TTC28: variants seen among roughly 807,000 people sequenced by gnomAD.
The protein encoded by TTC28 is tetratricopeptide repeat domain 28, also known as tetratricopeptide repeat protein 28.
In TTC28, 61 loss-of-function variants were observed where a neutral mutation model predicts 198.0. The ratio of observed to expected loss-of-function variants is 0.31; its 90% CI spans 0.25 to 0.38. TTC28 has a LOEUF of 0.38. TTC28 is among the 10% of genes least tolerant of loss of function. The pLI is 1.00. For missense variants in TTC28, 2,678 were observed against 3,164.0 expected, an observed-to-expected ratio of 0.85 and a Z score of 3.69; for synonymous variants, 1,171 against 1,297.8, an observed-to-expected ratio of 0.90 and a Z score of 2.10.
At chr22:28,472,156 A>G (rs1413454767) in intron 2 of TTC28, among the ~76,000 whole-genome samples, 3 of 152,190 alleles carry the variant, frequency 2.0e-5, no homozygotes, top group Non-Finnish European at 4.4e-5. Context: ...CTATCATTCT[A>G]TTAATTTACA....
At chr22:28,021,805 G>C (rs945399847) in intron 13 of TTC28, among the ~76,000 whole-genome samples, 2 of 152,124 alleles carry the variant, frequency 1.3e-5, no homozygotes, top group African/African-American at 4.8e-5. Flanking sequence ...TCTAGATATA[G>C]GGCCAGGAAT....
chr22:28,487,108 A>T (rs117038618), intron 2 of TTC28, among the ~76,000 whole-genome samples: 1 of 151,500 alleles, frequency 6.6e-6, no homozygotes, highest in East Asian at 1.9e-4. Context: ...TCGATGGTGA[A>T]TTTTTTTTTC....
At chr22:28,194,751 C>T (rs572512703) in intron 5 of TTC28, among the ~76,000 whole-genome samples, 1 of 133,286 alleles carries the variant, frequency 7.5e-6, no homozygotes, top group Non-Finnish European at 1.6e-5. Flanking sequence ...AGTTGAATCC[C>T]TGAATAGACC....
intron 5 of TTC28, among the ~76,000 whole-genome samples, chr22:28,193,826 G>A (rs1028718886): frequency 1.3e-5 from 2 of 151,884 alleles, no homozygotes; most frequent in African/African-American, 2.4e-5. Context: ...AGACTCCCAC[G>A]CAAGAATAAT....
chr22:28,486,908 C>T (rs776337790), intron 2 of TTC28, among the ~76,000 whole-genome samples: 29 of 152,138 alleles, frequency 1.9e-4, no homozygotes, highest in Non-Finnish European at 3.4e-4. Context: ...ACTAATTCCT[C>T]TAATAAACTA....
intron 13 of TTC28, among the ~76,000 whole-genome samples, chr22:28,016,001 C>T (rs1169356704): frequency 6.6e-6 from 1 of 151,966 alleles, no homozygotes; most frequent in Non-Finnish European, 1.5e-5. Context: ...AGGTTTCTAC[C>T]CCTAGCTCTC....
At chr22:28,627,094 T>C (rs1258850785) in intron 2 of TTC28, among the ~76,000 whole-genome samples, 1 of 151,984 alleles carries the variant, frequency 6.6e-6, no homozygotes, top group East Asian at 1.9e-4. Context: ...GCTCACTGCA[T>C]CAATTACAGG....
At chr22:28,644,005 T>C (rs149989309) in intron 1 of TTC28, among the ~76,000 whole-genome samples, 38 of 152,304 alleles carry the variant, frequency 2.5e-4, no homozygotes, top group African/African-American at 8.2e-4. Flanking sequence ...AACAGGGTAG[T>C]ATGCAGTAGA....
At chr22:28,608,243 T>C (rs1013824817) in intron 2 of TTC28, among the ~76,000 whole-genome samples, 1 of 152,188 alleles carries the variant, frequency 6.6e-6, no homozygotes, top group Non-Finnish European at 1.5e-5. Flanking sequence ...AAAATGGGTA[T>C]GAAAACCAAA....
chr22:28,366,289 C>T (rs935422131), intron 2 of TTC28, among the ~76,000 whole-genome samples: 1 of 152,142 alleles, frequency 6.6e-6, no homozygotes, highest in Non-Finnish European at 1.5e-5. Flanking sequence ...CCAAATCTAA[C>T]ACAATATATT....
At chr22:28,162,999 AAC>A in intron 6 of TTC28, 91 bp downstream of exon 6, 3 of 1,384,098 alleles carry the variant, frequency 2.2e-6, no homozygotes, top group Non-Finnish European at 2.9e-6. Context: ...TTTAAATATA[AAC>A]ACACAGATTC....
At chr22:28,471,972 T>A (rs908531770) in intron 2 of TTC28, among the ~76,000 whole-genome samples, 3 of 152,146 alleles carry the variant, frequency 2.0e-5, no homozygotes, top group African/African-American at 7.2e-5. Context: ...GCTCAAAGCA[T>A]CTTTGAATCT....
intron 1 of TTC28, among the ~76,000 whole-genome samples, chr22:28,649,371 T>C (rs1451277032): frequency 6.6e-6 from 1 of 152,018 alleles, no homozygotes; most frequent in African/African-American, 2.4e-5. Flanking sequence ...GCTATTGAAA[T>C]AAAATATATA....
intron 2 of TTC28, among the ~76,000 whole-genome samples, chr22:28,315,922 C>T (rs186354366): frequency 4.1e-4 from 62 of 152,158 alleles, no homozygotes; most frequent in African/African-American, 1.3e-3. Context: ...CTCTCAGCTG[C>T]GATGAAGGGA....
chr22:28,021,968 G>A (rs553243109), intron 13 of TTC28, among the ~76,000 whole-genome samples: 4 of 152,230 alleles, frequency 2.6e-5, no homozygotes, highest in African/African-American at 9.6e-5. Context: ...GCTGTGATGT[G>A]AGTACACCAC....
chr22:28,453,891 C>T (rs948270848), intron 2 of TTC28, among the ~76,000 whole-genome samples: 1 of 152,180 alleles, frequency 6.6e-6, no homozygotes, highest in African/African-American at 2.4e-5. Context: ...ATATAAAATC[C>T]AAAGGCTTTA....
chr22:28,647,573 C>G (rs763946170), intron 1 of TTC28, among the ~76,000 whole-genome samples: 5 of 152,208 alleles, frequency 3.3e-5, no homozygotes, highest in Admixed American at 6.5e-5. Context: ...GGCGTGGTGG[C>G]TCACGCCTGT....
intron 5 of TTC28, among the ~76,000 whole-genome samples, chr22:28,262,289 A>T (rs563399629): frequency 6.6e-6 from 1 of 152,322 alleles, no homozygotes; most frequent in African/African-American, 2.4e-5. Flanking sequence ...TGTTACAACT[A>T]ACACAACCCT....
In TTC28 at chr22:28,672,875, C is replaced by T. The variant is rs565042447; in HGVS notation, c.102+6747G>A. 3.3e-5 allele frequency among the ~76,000 whole-genome samples: 5 copies of T among 152,268 alleles called. No individual in the cohort carries two copies. The South Asian group carries it at 6.2e-4, about 19-fold the overall frequency. ...TAGCTATACTGCCCCTAGGCAAGGA[C>T]GTGAAGAACATACCTTATTTTACAA... On this transcript the variant is annotated intron_variant, in intron 1 of 22. Transcript: ENST00000397906.
Sources: gnomAD v4.1 joint callset for allele counts (sites outside exome capture counted in the v4.1 genomes callset) on GRCh38, gnomAD v4.1.1 for gene constraint, MANE v1.5 for transcripts, NCBI Gene and HGNC (gene_info 2026-07-23, HGNC 2026-07-21) for gene names.